TRAF3IP1: variants seen among roughly 807,000 people sequenced by gnomAD.
TRAF3IP1 encodes intraflagellar transport 54.
In TRAF3IP1, 53 loss-of-function variants were observed where a neutral mutation model predicts 89.9. The ratio of observed to expected loss-of-function variants is 0.59; its 90% CI spans 0.47 to 0.74. TRAF3IP1 has a LOEUF of 0.74. TRAF3IP1 is among the 30% of genes least tolerant of loss of function. The pLI is 0.00. For missense variants in TRAF3IP1, 806 were observed against 866.1 expected (o/e 0.93, Z 0.87); for synonymous variants, 311 against 322.1 (o/e 0.97, Z 0.37).
At position 238,325,890 on chromosome 2, in the gene TRAF3IP1, C is replaced by G; in HGVS notation, c.274C>G (p.Pro92Ala). ...MVSGEPLLAK[P>A]ARIVAGHEPE... ...GTCGGGAGAGCCACTGTTGGCCAAA[C>G]CAGCCCGAATCGTGGCGGGGCATGA... Residue 92 changes from proline (P) to alanine (A), a missense_variant, in exon 3 of 17, where the codon CCA becomes GCA. Pro to Ala is a conservative substitution (Grantham distance 27, BLOSUM62 -1). Around this residue, in one of 3 missense-constraint regions of TRAF3IP1, gnomAD observed 732 missense variants for 780.5 expected, o/e 0.94. Coordinates refer to ENST00000373327, the MANE Select transcript of TRAF3IP1 (RefSeq NM_015650.4). 6.2e-7 allele frequency: 1 copy of G among 1,614,230 alleles called. No homozygotes were observed.
At chr2:238,368,948 C>T (rs55718409) in intron 15 of TRAF3IP1, among the ~76,000 whole-genome samples, 9,031 of 152,238 alleles carry the variant, frequency 0.059, 382 homozygotes, top group Non-Finnish European at 0.081. Context: ...GCTGGGATTA[C>T]AAGCGTGAGC....
intron 15 of TRAF3IP1, among the ~76,000 whole-genome samples, chr2:238,374,873 C>A (rs1239426242): frequency 6.6e-6 from 1 of 151,930 alleles, no homozygotes; most frequent in African/African-American, 2.4e-5. Context: ...TGTATGTGTC[C>A]AGGAATTTAT....
At chr2:238,386,857 G>A (rs1700795245) in intron 15 of TRAF3IP1, among the ~76,000 whole-genome samples, 1 of 152,002 alleles carries the variant, frequency 6.6e-6, no homozygotes, top group African/African-American at 2.4e-5. Flanking sequence ...ATTCTAAGAG[G>A]GTTTCTCATT....
chr2:238,344,683 G>T (rs753850864), intron 9 of TRAF3IP1, 85 bp downstream of exon 9: 6 of 1,205,074 alleles, frequency 5.0e-6, no homozygotes, highest in Non-Finnish European at 7.4e-6. Context: ...GCAGCCCAGA[G>T]CCCGAGGTTT....
chr2:238,342,186 A>G (rs113456958), intron 8 of TRAF3IP1, among the ~76,000 whole-genome samples: 5 of 152,118 alleles, frequency 3.3e-5, no homozygotes, highest in African/African-American at 1.2e-4. Context: ...ATGGGGTTTC[A>G]CCATGTTGGC....
chr2:238,363,768 T>C (rs766507463), intron 15 of TRAF3IP1, among the ~76,000 whole-genome samples: 8 of 152,168 alleles, frequency 5.3e-5, no homozygotes, highest in Non-Finnish European at 1.2e-4. Flanking sequence ...AAGACTAGCC[T>C]GGCCAACACA....
chr2:238,330,449 G>A (rs71426518), intron 5 of TRAF3IP1, among the ~76,000 whole-genome samples: 4,088 of 152,230 alleles, frequency 0.027, 110 homozygotes, highest in South Asian at 0.065. Flanking sequence ...AGCATCCCGC[G>A]AAGATGTTGG....
chr2:238,345,757 C>CT lies in TRAF3IP1; in HGVS notation c.1261+1160dup, dbSNP rs570393408. Among the ~76,000 whole-genome samples the CT allele has an allele frequency of 7.9e-5, 12 of 152,138 alleles. No homozygotes were observed. In the East Asian group the frequency reaches 2.3e-3, roughly 30 times the overall value. On this transcript the variant is annotated intron_variant, in intron 9 of 16. Coordinates refer to ENST00000373327, the MANE Select transcript of TRAF3IP1 (RefSeq NM_015650.4). The surrounding 1 kb of genome is among the most constrained non-coding windows in gnomAD (Gnocchi z 4.7). ...AGGGAAGGCCCAGGCTAGAGAGGAG[C>CT]TGTGAGAGTTGCTGGCGCTGGGTGA...
intron 9 of TRAF3IP1, 94 bp from the exon 10 acceptor site, chr2:238,347,361 G>T (rs1698941472): frequency 3.8e-6 from 5 of 1,329,610 alleles, no homozygotes; most frequent in Non-Finnish European, 5.4e-6. Flanking sequence ...CCAAAATTAT[G>T]TACAGTGTGT....
intron 3 of TRAF3IP1, among the ~76,000 whole-genome samples, chr2:238,327,373 C>T (rs1697891320): frequency 6.6e-6 from 1 of 152,168 alleles, no homozygotes; most frequent in Admixed American, 6.5e-5. Context: ...TCTGTGTCCC[C>T]AGTACACGGT....
chr2:238,397,342 A>G, intron 15 of TRAF3IP1, 117 bp from the exon 16 acceptor site: 1 of 817,470 alleles, frequency 1.2e-6, no homozygotes. Flanking sequence ...CACAACCAGC[A>G]CTGTCTCTGC....
intron 1 of TRAF3IP1, among the ~76,000 whole-genome samples, chr2:238,321,598 T>G (rs1697550170): frequency 6.6e-6 from 1 of 152,168 alleles, no homozygotes; most frequent in African/African-American, 2.4e-5. Flanking sequence ...TTAGCATGGC[T>G]CTGGTGATCT....
rs115162681 is a variant in TRAF3IP1 at position 238,397,047 on chromosome 2, G to A, written c.1690-412G>A. ...TGGAAGGTGGGCCATTTGAAGAGCT[G>A]TAGGGTCAGGCCCTCATTCTGCCAG... On this transcript the variant is annotated intron_variant, in intron 15 of 16. Transcript: ENST00000373327. Among the ~76,000 whole-genome samples the A allele has an allele frequency of 2.3e-3, 348 of 152,314 alleles. 1 individual carries two copies. Among genetic ancestry groups the A allele is most frequent in the African/African-American group, 8.2e-3 (340 of 41,560 alleles).
chr2:238,330,652 C>T (rs1264993584), intron 5 of TRAF3IP1, among the ~76,000 whole-genome samples: 5 of 152,080 alleles, frequency 3.3e-5, no homozygotes, highest in Non-Finnish European at 4.4e-5. Context: ...GGTGGGTGGG[C>T]GCCACAGGAC....
chr2:238,356,611 G>A (rs1699421678), intron 15 of TRAF3IP1, among the ~76,000 whole-genome samples: 1 of 152,102 alleles, frequency 6.6e-6, no homozygotes, highest in Non-Finnish European at 1.5e-5. Flanking sequence ...TTGGGAGGGG[G>A]CAGCGGCTTA....
At chr2:238,353,059 G>C in intron 13 of TRAF3IP1, 109 bp downstream of exon 13, 1 of 1,537,734 alleles carries the variant, frequency 6.5e-7, no homozygotes, top group Non-Finnish European at 8.9e-7. Flanking sequence ...TAATTTTTCA[G>C]TTAGTTTTCT....
chr2:238,330,307 GGT>G (rs1194603746), intron 5 of TRAF3IP1, among the ~76,000 whole-genome samples: 2 of 152,138 alleles, frequency 1.3e-5, no homozygotes, highest in African/African-American at 4.8e-5. Context: ...GTAAATTTAG[GGT>G]TTGCCAGGAA....
intron 8 of TRAF3IP1, among the ~76,000 whole-genome samples, chr2:238,339,067 GA>G (rs1698513366): frequency 6.6e-6 from 1 of 152,172 alleles, no homozygotes; most frequent in Non-Finnish European, 1.5e-5. Context: ...GACTTTAGGG[GA>G]AGAGGAAATT....
chr2:238,327,992 A>G (rs1039515373), intron 3 of TRAF3IP1, among the ~76,000 whole-genome samples: 9 of 152,308 alleles, frequency 5.9e-5, no homozygotes, highest in Non-Finnish European at 1.3e-4. Context: ...TCAACTGTCA[A>G]TGGTACAGTT....
Sources: allele counts gnomAD v4.1 joint callset (sites outside exome capture counted in the v4.1 genomes callset), GRCh38; gene constraint gnomAD v4.1.1; regional missense constraint gnomAD v4.1.1; non-coding constraint Gnocchi (gnomAD v3.1); transcripts MANE v1.5; gene names NCBI Gene and HGNC (gene_info 2026-07-23, HGNC 2026-07-21).